The following NRG2 variants were observed in gnomAD, a reference collection of about 807,000 sequenced individuals.
NRG2 encodes pro-neuregulin-2, membrane-bound isoform.
NRG2 carries 27 observed loss-of-function variants against 73.9 expected under a neutral mutation model. The ratio of observed to expected loss-of-function variants is 0.37; its 90% confidence interval spans 0.27 to 0.50. The LOEUF (loss-of-function observed/expected upper bound fraction) is 0.50, where lower values mean the gene tolerates loss of function less well. Among genes scored for constraint, NRG2 ranks in the 20% least tolerant of loss-of-function variants. NRG2 has a pLI of 0.96. For synonymous variants in NRG2, 532 were observed against 541.0 expected (o/e 0.98, Z 0.23); for missense variants, 1,126 against 1,210.1 (o/e 0.93, Z 1.03).
chr5:140,007,796 T>C (rs1759028189), intron 1 of NRG2, among the ~76,000 whole-genome samples: 1 of 152,202 alleles, frequency 6.6e-6, no homozygotes, highest in Admixed American at 6.5e-5. Flanking sequence ...GCATTTCATT[T>C]TCCCTGTGAC....
At chr5:139,902,489 C>T (rs901637375) in intron 1 of NRG2, among the ~76,000 whole-genome samples, 2 of 152,200 alleles carry the variant, frequency 1.3e-5, no homozygotes, top group African/African-American at 4.8e-5. Context: ...CCTCCTTTCT[C>T]CCTCCCACTT....
At chr5:139,927,764 C>CAAAAAA (rs67854211) in intron 1 of NRG2, among the ~76,000 whole-genome samples, 1 of 82,548 alleles carries the variant, frequency 1.2e-5, no homozygotes, top group Non-Finnish European at 2.5e-5. Flanking sequence ...AACCTTGTCT[C>CAAAAAA]AAAAAAAAAA....
Position 139,904,466 on chromosome 5 carries a change from C to A in NRG2, c.701-16955G>T. 1.1e-6 allele frequency: 1 copy of A among 925,852 alleles called. No homozygotes were observed. Among genetic ancestry groups the A allele is most frequent in the Non-Finnish European group, 1.6e-6 (1 of 611,082 alleles). The allele number at this position is 925,852 out of a possible 1,614,324, so 57.4% of individuals were successfully genotyped here. ...TGCCGCGCTGCGCCCCCGCCGCCTGCAGCCTCAGTGCCCGAGCGCGGCGCC... is the reference window on the plus strand; with the variant it reads ...TGCCGCGCTGCGCCCCCGCCGCCTGAAGCCTCAGTGCCCGAGCGCGGCGCC... On this transcript the variant is annotated intron_variant, in intron 1 of 9. Coordinates refer to ENST00000361474, the MANE Select transcript of NRG2 (RefSeq NM_004883.3). This position sits in a 1 kb window ranked among gnomAD's most constrained non-coding sequence, Gnocchi z 6.0.
chr5:139,989,738 T>A (rs1369778785), intron 1 of NRG2, among the ~76,000 whole-genome samples: 1 of 150,692 alleles, frequency 6.6e-6, no homozygotes, highest in African/African-American at 2.4e-5. Context: ...TGATGGGCAT[T>A]GAAGATTTTT....
chr5:139,989,793 T>A (rs1021822356), intron 1 of NRG2, among the ~76,000 whole-genome samples: 2 of 150,004 alleles, frequency 1.3e-5, no homozygotes, highest in African/African-American at 4.9e-5. Context: ...TTATTTTATT[T>A]TTTTATTTTT....
intron 1 of NRG2, among the ~76,000 whole-genome samples, chr5:139,935,958 TAAA>T (rs554574182): frequency 1.6e-5 from 2 of 122,262 alleles, no homozygotes; most frequent in Admixed American, 8.6e-5. Context: ...GACTCTGTCT[TAAA>T]AAAAAAAAAA....
At chr5:140,013,652 T>G (rs1759543465) in intron 1 of NRG2, among the ~76,000 whole-genome samples, 1 of 152,222 alleles carries the variant, frequency 6.6e-6, no homozygotes, top group South Asian at 2.1e-4. Flanking sequence ...AATAAATTCC[T>G]TCTCTTCTCT....
chr5:139,929,764 AACAGTCTG>A (rs1210480735), intron 1 of NRG2, among the ~76,000 whole-genome samples: 5 of 152,180 alleles, frequency 3.3e-5, no homozygotes, highest in African/African-American at 1.2e-4. Context: ...CAGGCCCTCC[AACAGTCTG>A]ACTCCTTCCT....
chr5:140,002,055 G>A (rs1758528135), intron 1 of NRG2, among the ~76,000 whole-genome samples: 2 of 152,086 alleles, frequency 1.3e-5, no homozygotes, highest in South Asian at 2.1e-4. Context: ...ATGGTGGCAT[G>A]AGCCTGTGGT....
chr5:139,854,283 T>C (rs1761676273), intron 6 of NRG2, among the ~76,000 whole-genome samples: 2 of 152,234 alleles, frequency 1.3e-5, no homozygotes, highest in Admixed American at 6.5e-5. Flanking sequence ...TTCTCTCCTC[T>C]TCACCTGCTA....
At chr5:139,967,402 C>G (rs1185511389) in intron 1 of NRG2, among the ~76,000 whole-genome samples, 1 of 152,188 alleles carries the variant, frequency 6.6e-6, no homozygotes, top group African/African-American at 2.4e-5. Context: ...GACAAGTGTC[C>G]TTTTCCTCTT....
intron 1 of NRG2, among the ~76,000 whole-genome samples, chr5:139,986,582 C>T (rs1462857764): frequency 1.3e-5 from 2 of 152,162 alleles, no homozygotes; most frequent in East Asian, 3.8e-4. Context: ...CCTTACTGAC[C>T]ATCTCAACTG....
chr5:140,035,895 G>C (rs1356293668), intron 1 of NRG2, among the ~76,000 whole-genome samples: 1 of 152,114 alleles, frequency 6.6e-6, no homozygotes. Flanking sequence ...AAAAAAAAAA[G>C]TAATCTGATC....
At chr5:139,857,474 CTTG>C (rs1377051605) in intron 5 of NRG2, among the ~76,000 whole-genome samples, 1 of 151,930 alleles carries the variant, frequency 6.6e-6, no homozygotes, top group African/African-American at 2.4e-5. Flanking sequence ...TGTTATCAGA[CTTG>C]TTGAGTTTAC....
intron 1 of NRG2, among the ~76,000 whole-genome samples, chr5:139,903,765 T>C (rs1765033620): frequency 1.3e-5 from 2 of 152,232 alleles, no homozygotes; most frequent in African/African-American, 4.8e-5. Context: ...TCTCTGGGGT[T>C]CGCGAGCGGG....
rs1762670489 is a variant in NRG2, at chr5:139,868,926, C to T, written c.1112+2795G>A. Among the ~76,000 whole-genome samples, 1 of 151,960 alleles carries T rather than the reference C, an allele frequency of 6.6e-6. No homozygotes were observed. The highest frequency in any genetic ancestry group is 2.1e-4 in the South Asian group (1 of 4,812). On this transcript the variant is annotated intron_variant, in intron 4 of 9. Coordinates refer to ENST00000361474, the MANE Select transcript of NRG2 (RefSeq NM_004883.3). This position sits in a 1 kb window ranked among gnomAD's most constrained non-coding sequence, Gnocchi z 4.2. ...GGGAGGCATGCCACTGGTATGTGCA[C>T]AGGGCTGGAAAGAGTCTTGTTCTGT...
At chr5:139,920,375 T>C (rs561732180) in intron 1 of NRG2, among the ~76,000 whole-genome samples, 3 of 152,200 alleles carry the variant, frequency 2.0e-5, no homozygotes, top group Non-Finnish European at 4.4e-5. Flanking sequence ...AATAAGCCAT[T>C]AGTTTCTTGA....
At chr5:140,038,533 T>A (rs914005255) in intron 1 of NRG2, among the ~76,000 whole-genome samples, 1 of 152,220 alleles carries the variant, frequency 6.6e-6, no homozygotes, top group Admixed American at 6.5e-5. Flanking sequence ...ATCATCAAAC[T>A]CAGCTTTTCA....
At chr5:139,929,326 T>G (rs1752288976) in intron 1 of NRG2, among the ~76,000 whole-genome samples, 1 of 152,196 alleles carries the variant, frequency 6.6e-6, no homozygotes, top group African/African-American at 2.4e-5. Flanking sequence ...CAGAATATGA[T>G]GTTGCTTCCC....
Sources: gnomAD v4.1 joint callset for allele counts (sites outside exome capture counted in the v4.1 genomes callset) on GRCh38, gnomAD v4.1.1 for gene constraint, Gnocchi (gnomAD v3.1) non-coding constraint, MANE v1.5 for transcripts, NCBI Gene and HGNC (gene_info 2026-07-23, HGNC 2026-07-21) for gene names.